Variants in FAM114A1 observed in about 807,000 individuals in gnomAD.
FAM114A1 encodes the protein protein NOXP20.
A neutral mutation model predicts 64.3 loss-of-function variants in FAM114A1; 62 were observed. The ratio of observed to expected loss-of-function variants is 0.96; its 90% confidence interval spans 0.79 to 1.19. FAM114A1 has a LOEUF of 1.19. Among genes scored for constraint, FAM114A1 ranks in the 50% most tolerant of loss-of-function variants. FAM114A1 has a pLI of 0.00. For missense variants in FAM114A1, 645 were observed against 676.3 expected (o/e 0.95, Z 0.51); for synonymous variants, 254 against 251.1 (o/e 1.01, Z -0.11).
At chr4:38,932,123 G>A (rs1232182890) in intron 11 of FAM114A1, 112 bp from the exon 12 acceptor site, 1 of 1,195,378 alleles carries the variant, frequency 8.4e-7, no homozygotes. Context: ...AACTATTTCG[G>A]GTTATATTTG....
chr4:38,899,059 C>A (rs1288344331), intron 4 of FAM114A1, among the ~76,000 whole-genome samples: 1 of 146,590 alleles, frequency 6.8e-6, no homozygotes, highest in Non-Finnish European at 1.5e-5. Context: ...ATATCTATCT[C>A]CATTCAGTGG....
At chr4:38,873,123 C>T (rs897008826) in intron 2 of FAM114A1, among the ~76,000 whole-genome samples, 4 of 152,194 alleles carry the variant, frequency 2.6e-5, no homozygotes, top group African/African-American at 9.7e-5. Flanking sequence ...AGGCTTGAAC[C>T]TGGCTCCTTG....
At chr4:38,872,269 G>A (rs1219544782) in intron 2 of FAM114A1, among the ~76,000 whole-genome samples, 2 of 152,088 alleles carry the variant, frequency 1.3e-5, no homozygotes, top group African/African-American at 4.8e-5. Flanking sequence ...CACCCTTAGG[G>A]CACAAATTAA....
Position 38,891,733 on chromosome 4 carries a change from T to C in FAM114A1, c.349-10T>C, listed in dbSNP as rs760250592. 2 of 1,592,908 alleles carry C rather than the reference T, an allele frequency of 1.3e-6. No individual in the cohort carries two copies. The highest frequency in any genetic ancestry group is 2.3e-5 in the South Asian group (2 of 88,000). On this transcript the variant is annotated splice_polypyrimidine_tract_variant and intron_variant, in intron 3 of 14. Coordinates refer to ENST00000358869, the MANE Select transcript of FAM114A1 (RefSeq NM_138389.4). ...AATTTCTGACCTGTGGCTAATTTGT[T>C]TTTCTCCAGGCTGTGGATTCCCCTC...
chr4:38,913,534 C>T (rs1385283905), intron 7 of FAM114A1, among the ~76,000 whole-genome samples: 1 of 152,076 alleles, frequency 6.6e-6, no homozygotes, highest in Non-Finnish European at 1.5e-5. Context: ...GCTGGGATTA[C>T]AGGCATGCAC....
chr4:38,898,453 C>T (rs891724364), intron 4 of FAM114A1, among the ~76,000 whole-genome samples: 8 of 152,090 alleles, frequency 5.3e-5, no homozygotes, highest in Non-Finnish European at 1.0e-4. Flanking sequence ...AAATCATCAC[C>T]GTATAAATCA....
chr4:38,934,275 C>T (rs1720898147), intron 12 of FAM114A1, among the ~76,000 whole-genome samples: 1 of 152,164 alleles, frequency 6.6e-6, no homozygotes. Flanking sequence ...TACCAAGCTG[C>T]ACCCAGTCCC....
chr4:38,870,732 T>C (rs1713967358), intron 2 of FAM114A1, among the ~76,000 whole-genome samples: 1 of 152,166 alleles, frequency 6.6e-6, no homozygotes, highest in East Asian at 1.9e-4. Flanking sequence ...GTCTGGCTTA[T>C]GGAACACCCA....
At chr4:38,931,358 G>A (rs969645211) in intron 10 of FAM114A1, 93 bp from the exon 11 acceptor site, 2 of 1,433,056 alleles carry the variant, frequency 1.4e-6, no homozygotes, top group African/African-American at 2.9e-5. Context: ...ATTCTTGAAG[G>A]CTTAGAGACA....
Position 38,905,717 on chromosome 4 carries a change from C to T in FAM114A1, c.551-38C>T, listed in dbSNP as rs774048175. The T allele has an allele frequency of 2.7e-5, 44 of 1,607,606 alleles. 2 individuals carry two copies. In the South Asian group the frequency reaches 3.1e-4, roughly 11 times the overall value. On this transcript the variant is annotated intron_variant, in intron 5 of 14. Coordinates refer to ENST00000358869, the MANE Select transcript of FAM114A1 (RefSeq NM_138389.4). The stretch of plus-strand genomic sequence containing the variant: ...CAGAGGTTTTCCAAGTTCAGATCAG[C>T]GACGTGAACTCTTAAAGGATTTCTT...
chr4:38,940,564 A>G (rs538287737), intron 13 of FAM114A1, among the ~76,000 whole-genome samples: 2 of 152,350 alleles, frequency 1.3e-5, no homozygotes, highest in East Asian at 3.9e-4. Flanking sequence ...CAAAATATCA[A>G]AATTTTAAGT....
At chr4:38,880,716 G>A (rs752192) in intron 3 of FAM114A1, among the ~76,000 whole-genome samples, 3,061 of 152,298 alleles carry the variant, frequency 0.02, 127 homozygotes, top group Admixed American at 0.087. Context: ...TTCATCCTAA[G>A]TGCTACTGTT....
chr4:38,943,409 T>C (rs1579428385), intron 14 of FAM114A1, 47 bp from the exon 15 acceptor site: 2 of 1,508,018 alleles, frequency 1.3e-6, no homozygotes, highest in Non-Finnish European at 1.8e-6. Flanking sequence ...ATTGTCAAGG[T>C]TGAACTATGA....
chr4:38,892,552 A>G (rs12513175), intron 4 of FAM114A1, among the ~76,000 whole-genome samples: 12,584 of 152,270 alleles, frequency 0.083, 727 homozygotes, highest in African/African-American at 0.17. Context: ...CAAATTTGTC[A>G]TGATATTCTT....
At chr4:38,878,856 G>A (rs1714936078) in intron 3 of FAM114A1, among the ~76,000 whole-genome samples, 1 of 152,180 alleles carries the variant, frequency 6.6e-6, no homozygotes, top group Non-Finnish European at 1.5e-5. Flanking sequence ...TAATTAACAA[G>A]CCTGATTCCA....
chr4:38,938,564 C>T lies in FAM114A1; in HGVS notation c.1537-2404C>T, dbSNP rs145240584. 9 of 152,334 alleles carry T rather than the reference C, an allele frequency of 5.9e-5. No individual in the cohort carries two copies. In the East Asian group the frequency reaches 1.7e-3, roughly 29 times the overall value. 9.4% of individuals were successfully genotyped at this position (152,334 alleles called of 1,614,324 possible). A position where few individuals can be genotyped will look rare whatever the true frequency, so the allele number is the denominator to read the frequency against. On this transcript the variant is annotated intron_variant, in intron 13 of 14. Coordinates refer to ENST00000358869, the MANE Select transcript of FAM114A1 (RefSeq NM_138389.4). ...GCTGGACAAAATGCATTTGCACCCTCGTGTGGTCCAAGTTACCTGATATCC... is the reference window on the plus strand; with the variant it reads ...GCTGGACAAAATGCATTTGCACCCTTGTGTGGTCCAAGTTACCTGATATCC...
intron 2 of FAM114A1, among the ~76,000 whole-genome samples, chr4:38,875,380 T>C (rs1714510557): frequency 6.6e-6 from 1 of 152,228 alleles, no homozygotes; most frequent in Non-Finnish European, 1.5e-5. Context: ...TGTGGAGCTC[T>C]TTCATCTCCC....
chr4:38,926,360 C>A lies in FAM114A1; in HGVS notation c.1070-2882C>A, dbSNP rs372311800. On this transcript the variant is annotated intron_variant, in intron 9 of 14. Coordinates refer to ENST00000358869, the MANE Select transcript of FAM114A1 (RefSeq NM_138389.4). ...GCCCAGCCCCTCTCACTGTCCCTCC[C>A]TGGGGAAGACTAGACCAAGACCTCT... Among the ~76,000 whole-genome samples the A allele has an allele frequency of 5.9e-5, 9 of 152,330 alleles. No homozygotes were observed. In the East Asian group the frequency reaches 1.5e-3, roughly 26 times the overall value.
Position 38,905,796 on chromosome 4 carries a change from C to T in FAM114A1, c.592C>T (p.Pro198Ser), listed in dbSNP as rs1460530687. 1.2e-6 allele frequency: 2 copies of T among 1,613,952 alleles called. No homozygotes were observed. Among genetic ancestry groups the T allele is most frequent in the Admixed American group, 1.7e-5 (1 of 59,954 alleles). ...AGATCAGGGCCCTGCAGAAAGCCCA[C>T]CCACTTCCCCTTCATCAGCCTCTCG... ...ATDQGPAESPPTSPSSASRGM... is the reference protein window; with the variant it reads ...ATDQGPAESPSTSPSSASRGM... The change falls in exon 6 of 15, where the codon CCC becomes TCC. Residue 198 changes from proline to serine, a missense_variant. By Grantham distance (74) the Pro-to-Ser change is moderately conservative. Transcript: ENST00000358869.
Sources: allele counts gnomAD v4.1 joint callset (sites outside exome capture counted in the v4.1 genomes callset), GRCh38; gene constraint gnomAD v4.1.1; transcripts MANE v1.5; gene names NCBI Gene and HGNC (gene_info 2026-07-23, HGNC 2026-07-21).